Variants in ARHGAP39 observed in about 807,000 individuals in gnomAD.
ARHGAP39 encodes rho GTPase-activating protein 39.
A neutral mutation model predicts 106.9 loss-of-function variants in ARHGAP39; 44 were observed. That is an observed-to-expected ratio of 0.41 (90% CI 0.32 to 0.53). The LOEUF (loss-of-function observed/expected upper bound fraction) is 0.53. ARHGAP39 is among the 20% of genes least tolerant of loss of function. The pLI is 0.21. For synonymous variants in ARHGAP39, 768 were observed against 693.2 expected, an observed-to-expected ratio of 1.11 and a Z score of -1.69; for missense variants, 1,496 against 1,577.3, an observed-to-expected ratio of 0.95 and a Z score of 0.87.
chr8:144,549,547 T>C (rs1817618322), intron 4 of ARHGAP39, among the ~76,000 whole-genome samples: 2 of 152,152 alleles, frequency 1.3e-5, no homozygotes, highest in Admixed American at 1.3e-4. Flanking sequence ...GGCTGGAGTA[T>C]AGCGGCACGG....
intron 1 of ARHGAP39, among the ~76,000 whole-genome samples, chr8:144,628,393 G>A (rs952019365): frequency 2.0e-5 from 3 of 152,140 alleles, no homozygotes; most frequent in African/African-American, 7.2e-5. Context: ...GAGAGGGCTG[G>A]TCCAGCAACC....
At chr8:144,687,988 AGCG>A (rs1822666589), upstream of ARHGAP39, among the ~76,000 whole-genome samples, 2 of 100,096 alleles carry the variant, frequency 2.0e-5, no homozygotes, top group East Asian at 3.0e-4. Flanking sequence ...ACCACATACT[AGCG>A]GTGAGCACTT....
In ARHGAP39 at chr8:144,569,091, A is replaced by C. The variant is rs1034166588; in HGVS notation, c.512+11755T>G. On this transcript the variant is annotated intron_variant, in intron 3 of 11. Coordinates refer to ENST00000377307, the MANE Select transcript of ARHGAP39 (RefSeq NM_025251.3). The stretch of plus-strand genomic sequence containing the variant: ...GGAAAACTCACAATAAAGACAAAAG[A>C]ATAGGTAAAAAGTAAAAGGTTGAAA... Among the ~76,000 whole-genome samples the C allele has an allele frequency of 7.2e-5, 11 of 152,328 alleles. No individual in the cohort carries two copies. In the South Asian group the frequency reaches 1.9e-3, roughly 26 times the overall value.
intron 1 of ARHGAP39, among the ~76,000 whole-genome samples, chr8:144,632,305 C>G (rs1821081472): frequency 6.6e-6 from 1 of 152,202 alleles, no homozygotes; most frequent in African/African-American, 2.4e-5. Flanking sequence ...TTGTCCAGAG[C>G]ACCGTCATCC....
chr8:144,621,348 G>C (rs1480926314), intron 1 of ARHGAP39, among the ~76,000 whole-genome samples: 5 of 152,256 alleles, frequency 3.3e-5, no homozygotes, highest in African/African-American at 9.6e-5. Flanking sequence ...CAGGCCAACA[G>C]AGGCCCTCAA....
chr8:144,639,995 C>G (rs1027160012), intron 1 of ARHGAP39, among the ~76,000 whole-genome samples: 1 of 152,152 alleles, frequency 6.6e-6, no homozygotes, highest in Non-Finnish European at 1.5e-5. Context: ...TCATGCAAGA[C>G]GTCTGGTTTT....
chr8:144,579,441 G>A lies in ARHGAP39; in HGVS notation c.512+1405C>T, dbSNP rs548294153. 1.8e-4 allele frequency among the ~76,000 whole-genome samples: 27 copies of A among 152,120 alleles called. No individual in the cohort carries two copies. In the South Asian group the frequency reaches 4.8e-3, roughly 27 times the overall value. ...TTTGTGCCCGCCTTCTGCACCGCTC[G>A]CTCACCCACGCCACGCCCGAGCCTC... On this transcript the variant is annotated intron_variant, in intron 3 of 11. Coordinates refer to ENST00000377307, the MANE Select transcript of ARHGAP39 (RefSeq NM_025251.3).
chr8:144,610,355 A>G (rs1820445828), intron 1 of ARHGAP39, among the ~76,000 whole-genome samples: 2 of 151,892 alleles, frequency 1.3e-5, no homozygotes, highest in East Asian at 1.9e-4. Context: ...TTTAGACTTA[A>G]TTTGCTTTCC....
intron 1 of ARHGAP39, among the ~76,000 whole-genome samples, chr8:144,682,317 A>ACAT (rs1822445506): frequency 6.8e-6 from 1 of 147,444 alleles, no homozygotes; most frequent in Non-Finnish European, 1.5e-5. Flanking sequence ...TGGGAGGCTG[A>ACAT]GGCGGGTGGA....
intron 2 of ARHGAP39, among the ~76,000 whole-genome samples, chr8:144,598,297 C>T (rs560507039): frequency 8.3e-4 from 127 of 152,172 alleles, no homozygotes; most frequent in Middle Eastern, 6.8e-3. Context: ...GGAACCCAGC[C>T]GTGGGCTTTT....
At position 144,530,470 on chromosome 8, in the gene ARHGAP39, C is replaced by A. The variant is rs764057889; in HGVS notation, c.3297G>T (p.Arg1099=). Residue 1099 remains arginine, a synonymous_variant, in exon 12 of 12, where the codon CGG becomes CGT. Transcript: ENST00000377307. The part of the protein sequence containing the change: ...ENTRKEMSFL[R]VLIQHLDTSF... The stretch of plus-strand genomic sequence containing the variant: ...TGGTGTCCAGGTGCTGGATGAGCAC[C>A]CGCAGGAAGGACATCTCCTTGCGGG... 1 of 1,611,260 alleles carries A rather than the reference C, an allele frequency of 6.2e-7. No individual in the cohort carries two copies. The highest frequency in any genetic ancestry group is 8.5e-7 in the Non-Finnish European group (1 of 1,179,260).
At chr8:144,600,889 CTGTGCG>C (rs1273886047) in intron 2 of ARHGAP39, among the ~76,000 whole-genome samples, 1 of 141,088 alleles carries the variant, frequency 7.1e-6, no homozygotes, top group African/African-American at 2.7e-5. Context: ...GCTCGTGTAC[CTGTGCG>C]TGTGCGTGGT....
At chr8:144,603,876 G>A (rs1434461292) in intron 2 of ARHGAP39, among the ~76,000 whole-genome samples, 3 of 152,040 alleles carry the variant, frequency 2.0e-5, no homozygotes, top group South Asian at 2.1e-4. Flanking sequence ...AGCACTTGCA[G>A]GAATGAGGAC....
intron 1 of ARHGAP39, among the ~76,000 whole-genome samples, chr8:144,642,468 C>T (rs571894813): frequency 2.0e-4 from 30 of 150,786 alleles, no homozygotes; most frequent in African/African-American, 6.3e-4. Context: ...GCCTGGGTGA[C>T]AGAGTGAGAC....
At chr8:144,587,435 G>T (rs763852810) in intron 2 of ARHGAP39, among the ~76,000 whole-genome samples, 5 of 152,208 alleles carry the variant, frequency 3.3e-5, no homozygotes, top group African/African-American at 4.8e-5. Context: ...GGTGTATAAA[G>T]AATTGAGTGG....
chr8:144,628,175 C>T (rs1477699849), intron 1 of ARHGAP39, among the ~76,000 whole-genome samples: 4 of 152,102 alleles, frequency 2.6e-5, no homozygotes, highest in South Asian at 2.1e-4. Flanking sequence ...AGAGGGGTGG[C>T]GTGGGGTACC....
At chr8:144,689,027 T>C (rs367775761), upstream of ARHGAP39, among the ~76,000 whole-genome samples, 3 of 152,204 alleles carry the variant, frequency 2.0e-5, no homozygotes, top group African/African-American at 7.2e-5. Flanking sequence ...CGCAAGGGAA[T>C]GGAGCAAAGA....
intron 1 of ARHGAP39, among the ~76,000 whole-genome samples, chr8:144,654,596 C>T (rs979801425): frequency 6.6e-6 from 1 of 152,182 alleles, no homozygotes; most frequent in Non-Finnish European, 1.5e-5. Context: ...AGCAGGGAGG[C>T]GTGGCCAGGG....
At chr8:144,663,029 C>T (rs1421888623) in intron 1 of ARHGAP39, among the ~76,000 whole-genome samples, 1 of 150,684 alleles carries the variant, frequency 6.6e-6, no homozygotes, top group Non-Finnish European at 1.5e-5. Flanking sequence ...GGCCGCTCCT[C>T]ACCTCCCCAT....
Sources: allele counts gnomAD v4.1 joint callset (sites outside exome capture counted in the v4.1 genomes callset), GRCh38; gene constraint gnomAD v4.1.1; transcripts MANE v1.5; gene names NCBI Gene and HGNC (gene_info 2026-07-23, HGNC 2026-07-21).